The following CNTN6 variants were observed in gnomAD, a reference collection of about 807,000 sequenced individuals.
CNTN6 encodes contactin-6.
Under a neutral mutation model 122.8 loss-of-function variants are expected in CNTN6, and 137 were observed. The ratio of observed to expected loss-of-function variants is 1.12; its 90% CI spans 0.97 to 1.29. The LOEUF (loss-of-function observed/expected upper bound fraction) is 1.29. Among genes scored for constraint, CNTN6 ranks in the 50% most tolerant of loss-of-function variants. CNTN6 has a pLI of 0.00. For synonymous variants in CNTN6, 570 were observed against 426.0 expected (o/e 1.34, Z -4.16); for missense variants, 1,634 against 1,223.4 (o/e 1.34, Z -5.01).
chr3:1,155,295 G>C (rs531062301), intron 2 of CNTN6, among the ~76,000 whole-genome samples: 2 of 152,148 alleles, frequency 1.3e-5, no homozygotes, highest in African/African-American at 4.8e-5. Flanking sequence ...AGTGCCTGAC[G>C]CATGGTACGC....
intron 4 of CNTN6, among the ~76,000 whole-genome samples, chr3:1,270,035 C>T (rs1444890778): frequency 6.6e-6 from 1 of 152,158 alleles, no homozygotes; most frequent in Non-Finnish European, 1.5e-5. Context: ...TAGCTATTGC[C>T]TCTTTTACAG....
At chr3:1,216,005 T>C (rs1341111733) in intron 2 of CNTN6, among the ~76,000 whole-genome samples, 2 of 152,160 alleles carry the variant, frequency 1.3e-5, no homozygotes, top group African/African-American at 2.4e-5. Flanking sequence ...AGCCAGATTA[T>C]TATTGGAAGA....
chr3:1,385,779 G>A lies in CNTN6; in HGVS notation c.2686G>A (p.Val896Ile). 1 of 1,609,948 alleles carries A rather than the reference G, an allele frequency of 6.2e-7. No homozygotes were observed. The highest frequency in any genetic ancestry group is 8.5e-7 in the Non-Finnish European group (1 of 1,178,468). ...AGGGCCCTCAAGCCCCCCAGTCAAT[G>A]TTACCACCAAAAAGTCTCGTAAGTA... ...GTGPSSPPVN[V>I]TTKKSPPSQP... is the part of the protein sequence containing the mutation. Residue 896 changes from valine (V) to isoleucine (I), a missense_variant, in exon 20 of 23, where the codon GTT becomes ATT. Transcript: ENST00000446702.
At chr3:1,101,801 T>G (rs1046619284) in intron 1 of CNTN6, among the ~76,000 whole-genome samples, 1 of 152,158 alleles carries the variant, frequency 6.6e-6, no homozygotes, top group Admixed American at 6.5e-5. Context: ...AGCAAGCCAG[T>G]GGATGTTATT....
chr3:1,148,086 G>A (rs764457933), intron 2 of CNTN6, 23 bp downstream of exon 2: 5 of 1,572,936 alleles, frequency 3.2e-6, no homozygotes, highest in Non-Finnish European at 4.4e-6. Context: ...ATTATTATAA[G>A]TTTTGATTGA....
chr3:1,160,440 G>A (rs937470397), intron 2 of CNTN6, among the ~76,000 whole-genome samples: 8 of 148,768 alleles, frequency 5.4e-5, no homozygotes, highest in South Asian at 2.1e-4. Flanking sequence ...TCGGGTTTGT[G>A]AGATTCATCC....
At position 1,324,879 on chromosome 3, in the gene CNTN6, G is replaced by C. The variant is rs544351427; in HGVS notation, c.947-936G>C. Among the ~76,000 whole-genome samples the C allele has an allele frequency of 5.4e-5, 8 of 149,506 alleles. No individual in the cohort carries two copies. The South Asian group carries it at 1.7e-3, about 31-fold the overall frequency. On this transcript the variant is annotated intron_variant, in intron 8 of 22. Transcript: ENST00000446702. ...TGAACAGGTTACCTAACATCGCTGC[G>C]AGAATCCACTGAAAGATTGTAGAGG...
intron 1 of CNTN6, among the ~76,000 whole-genome samples, chr3:1,113,810 C>T (rs1319016683): frequency 1.3e-5 from 2 of 151,668 alleles, no homozygotes; most frequent in Admixed American, 6.6e-5. Flanking sequence ...TTCATGAATA[C>T]TCATATATAA....
At chr3:1,398,930 T>C (rs1695314439) in intron 20 of CNTN6, among the ~76,000 whole-genome samples, 1 of 152,154 alleles carries the variant, frequency 6.6e-6, no homozygotes, top group Non-Finnish European at 1.5e-5. Flanking sequence ...CTTTGGTAGA[T>C]GAGGACACAA....
chr3:1,337,377 T>C (rs181854741), intron 11 of CNTN6, among the ~76,000 whole-genome samples: 3 of 152,064 alleles, frequency 2.0e-5, no homozygotes, highest in Non-Finnish European at 2.9e-5. Flanking sequence ...TTATTACTGT[T>C]CCTTTTGCTT....
At chr3:1,258,544 G>C (rs1160060306) in intron 4 of CNTN6, among the ~76,000 whole-genome samples, 6 of 152,086 alleles carry the variant, frequency 3.9e-5, no homozygotes, top group Non-Finnish European at 7.4e-5. Flanking sequence ...TGCATGGTTT[G>C]TGTGTGAGGG....
intron 17 of CNTN6, among the ~76,000 whole-genome samples, chr3:1,380,269 C>A (rs538647340): frequency 6.6e-6 from 1 of 152,166 alleles, no homozygotes; most frequent in Non-Finnish European, 1.5e-5. Flanking sequence ...TTTAGGCTCC[C>A]TGTGGTATAA....
At chr3:1,398,666 A>ACATTTCATAGTT (rs1695282583) in intron 20 of CNTN6, among the ~76,000 whole-genome samples, 2 of 152,058 alleles carry the variant, frequency 1.3e-5, no homozygotes, top group Non-Finnish European at 2.9e-5. Flanking sequence ...CAAATGAGGA[A>ACATTTCATAGTT]TATTTCATAT....
chr3:1,275,746 C>T (rs1209772876), intron 4 of CNTN6, among the ~76,000 whole-genome samples: 2 of 152,122 alleles, frequency 1.3e-5, no homozygotes, highest in African/African-American at 2.4e-5. Context: ...CCCTCACATG[C>T]GCGGTTCACA....
At chr3:1,321,317 C>A (rs1700812401) in intron 7 of CNTN6, among the ~76,000 whole-genome samples, 1 of 151,696 alleles carries the variant, frequency 6.6e-6, no homozygotes, top group South Asian at 2.1e-4. Flanking sequence ...TCGGTTATTG[C>A]AGTTTGCAAG....
intron 20 of CNTN6, 94 bp downstream of exon 20, chr3:1,385,891 T>C: frequency 1.7e-6 from 2 of 1,207,544 alleles, no homozygotes; most frequent in Non-Finnish European, 1.1e-6. Flanking sequence ...ACCTCATTTC[T>C]TTACTAATTG....
chr3:1,173,039 T>A (rs1277626428), intron 2 of CNTN6, among the ~76,000 whole-genome samples: 3 of 152,176 alleles, frequency 2.0e-5, no homozygotes, highest in African/African-American at 7.2e-5. Flanking sequence ...CAGCACTATT[T>A]ATATCACACC....
intron 20 of CNTN6, 138 bp downstream of exon 20, chr3:1,385,935 T>C (rs1576008190): frequency 6.7e-6 from 5 of 745,018 alleles, no homozygotes; most frequent in Admixed American, 3.3e-5. Flanking sequence ...CCCTTAAATA[T>C]GGATACTTGT....
In CNTN6 at chr3:1,297,875, T is replaced by C. The variant is rs1696546806; in HGVS notation, c.659-14T>C. The C allele has an allele frequency of 6.3e-7, 1 of 1,592,174 alleles. No homozygotes were observed. The highest frequency in any genetic ancestry group is 1.1e-5 in the South Asian group (1 of 88,124). On this transcript the variant is annotated splice_polypyrimidine_tract_variant and intron_variant, in intron 6 of 22. Transcript: ENST00000446702. ...TTCTCCAGAAATGCTGCTAGCTCTT[T>C]TGATATTTAACAGGTGTGATGGGGG...
Sources: allele counts gnomAD v4.1 joint callset (sites outside exome capture counted in the v4.1 genomes callset), GRCh38; gene constraint gnomAD v4.1.1; transcripts MANE v1.5; gene names NCBI Gene and HGNC (gene_info 2026-07-23, HGNC 2026-07-21).